The following FAM174A variants were observed in gnomAD, a reference collection of about 807,000 sequenced individuals.
The protein encoded by FAM174A is membrane protein FAM174A.
FAM174A carries 14 observed loss-of-function variants against 14.3 expected under a neutral mutation model. That is an observed-to-expected ratio of 0.98 (90% CI 0.65 to 1.53). The LOEUF is 1.53. FAM174A is among the 40% of genes most tolerant of loss of function. The pLI, the probability that FAM174A is intolerant of heterozygous loss-of-function variation, is 0.00. For synonymous variants in FAM174A, 108 were observed against 111.4 expected (o/e 0.97, Z 0.19); for missense variants, 241 against 249.6 (o/e 0.97, Z 0.23).
intron 2 of FAM174A, among the ~76,000 whole-genome samples, chr5:100,579,910 AT>A (rs1201057349): frequency 6.6e-6 from 1 of 152,180 alleles, no homozygotes; most frequent in Non-Finnish European, 1.5e-5. Context: ...CTTAAGAGAT[AT>A]TTGTTTTTGG....
chr5:100,544,505 TA>T (rs375432017), intron 1 of FAM174A, among the ~76,000 whole-genome samples: 1 of 151,370 alleles, frequency 6.6e-6, no homozygotes, highest in Non-Finnish European at 1.5e-5. Context: ...AGGAAAAGAA[TA>T]AAAAAGAAAT....
intron 2 of FAM174A, among the ~76,000 whole-genome samples, chr5:100,565,146 A>T (rs905738463): frequency 6.6e-6 from 1 of 151,906 alleles, no homozygotes; most frequent in Non-Finnish European, 1.5e-5. Flanking sequence ...GCAGCATATT[A>T]AAATGATGAT....
intron 2 of FAM174A, among the ~76,000 whole-genome samples, chr5:100,567,749 T>C (rs1048744040): frequency 6.6e-6 from 1 of 151,898 alleles, no homozygotes; most frequent in African/African-American, 2.4e-5. Flanking sequence ...ATTCAGGTTC[T>C]TCATTCTTAG....
At chr5:100,584,877 C>CT (rs769839251) in intron 2 of FAM174A, among the ~76,000 whole-genome samples, 127 of 146,014 alleles carry the variant, frequency 8.7e-4, no homozygotes, top group South Asian at 4.1e-3. Context: ...AATCCAACTT[C>CT]TTTTTTTTTT....
At chr5:100,539,735 C>G (rs1449150775) in intron 1 of FAM174A, among the ~76,000 whole-genome samples, 1 of 152,174 alleles carries the variant, frequency 6.6e-6, no homozygotes, top group Admixed American at 6.5e-5. Context: ...GTTCAACCAT[C>G]ATGCTGCTTC....
intron 2 of FAM174A, among the ~76,000 whole-genome samples, chr5:100,582,610 G>A (rs768258070): frequency 6.6e-6 from 1 of 152,088 alleles, no homozygotes; most frequent in African/African-American, 2.4e-5. Flanking sequence ...ATAAAAATTT[G>A]TATGTCAAAA....
chr5:100,555,897 G>A (rs191317006), intron 1 of FAM174A, among the ~76,000 whole-genome samples: 2,514 of 152,172 alleles, frequency 0.017, 34 homozygotes, highest in Non-Finnish European at 0.024. Flanking sequence ...TAGGTTGCCT[G>A]TTCACTCTGA....
At chr5:100,562,631 TGA>T (rs954962112) in intron 2 of FAM174A, among the ~76,000 whole-genome samples, 3 of 151,548 alleles carry the variant, frequency 2.0e-5, no homozygotes, top group African/African-American at 7.3e-5. Context: ...TGTGTGTGTG[TGA>T]GAGAGAAATA....
intron 1 of FAM174A, among the ~76,000 whole-genome samples, chr5:100,555,218 G>A (rs1746350119): frequency 6.6e-6 from 1 of 151,772 alleles, no homozygotes; most frequent in Non-Finnish European, 1.5e-5. Context: ...TGAGAATGAT[G>A]GTTTCCAGCT....
At chr5:100,567,974 A>G (rs58971603) in intron 2 of FAM174A, among the ~76,000 whole-genome samples, 9,046 of 151,966 alleles carry the variant, frequency 0.06, 906 homozygotes, top group African/African-American at 0.2. Flanking sequence ...ATTTCTCCCT[A>G]TGTTTAACAT....
chr5:100,567,112 A>G (rs201642697), intron 2 of FAM174A, among the ~76,000 whole-genome samples: 2 of 151,886 alleles, frequency 1.3e-5, no homozygotes, highest in East Asian at 3.9e-4. Flanking sequence ...GTGAAAGAAC[A>G]AGAATTGGTT....
intron 1 of FAM174A, among the ~76,000 whole-genome samples, chr5:100,539,143 C>T (rs1580361339): frequency 6.6e-6 from 1 of 152,146 alleles, no homozygotes; most frequent in Non-Finnish European, 1.5e-5. Context: ...ATATGGTGCT[C>T]ATGCTCATAT....
In FAM174A at chr5:100,535,767, C is replaced by T. The variant is rs772189882; in HGVS notation, c.237C>T (p.Ser79=). The T allele has an allele frequency of 1.9e-6, 3 of 1,605,242 alleles. No homozygotes were observed. The highest frequency in any genetic ancestry group is 2.2e-5 in the South Asian group (2 of 90,756). The change falls in exon 1 of 3, where the codon TCC becomes TCT. Residue 79 remains serine (S), a synonymous_variant. Coordinates refer to ENST00000312637, the MANE Select transcript of FAM174A (RefSeq NM_198507.3). ...GLAEAAGPRG[S]EGGNGSNPVA... ...CTGAAGCTGCGGGGCCGCGGGGCTC[C>T]GAGGGAGGCAATGGCAGCAACCCTG... is the stretch of plus-strand genomic sequence containing the variant.
chr5:100,540,104 T>G (rs1746019305), intron 1 of FAM174A, among the ~76,000 whole-genome samples: 1 of 152,210 alleles, frequency 6.6e-6, no homozygotes, highest in South Asian at 2.1e-4. Flanking sequence ...AAGTCACTAA[T>G]GATTTATGCA....
chr5:100,544,878 T>C (rs559505230), intron 1 of FAM174A, among the ~76,000 whole-genome samples: 74 of 152,334 alleles, frequency 4.9e-4, no homozygotes, highest in African/African-American at 1.7e-3. Context: ...AAAGTTTTTC[T>C]GAAAACAAAA....
At chr5:100,541,205 G>A (rs1463900532) in intron 1 of FAM174A, among the ~76,000 whole-genome samples, 1 of 152,102 alleles carries the variant, frequency 6.6e-6, no homozygotes, top group Non-Finnish European at 1.5e-5. Context: ...TTGTGTTCAA[G>A]GAGCTTATCT....
chr5:100,583,502 ATCT>A (rs796996423), intron 2 of FAM174A, among the ~76,000 whole-genome samples: 4 of 152,304 alleles, frequency 2.6e-5, no homozygotes, highest in East Asian at 1.9e-4. Flanking sequence ...CTTCTTCTAC[ATCT>A]TCTTCCTTAT....
At chr5:100,539,698 C>A (rs894380984) in intron 1 of FAM174A, among the ~76,000 whole-genome samples, 4 of 152,180 alleles carry the variant, frequency 2.6e-5, no homozygotes, top group Non-Finnish European at 5.9e-5. Flanking sequence ...CTGCCCAAAC[C>A]CAGCTCTGCT....
chr5:100,553,379 C>T (rs895203058), intron 1 of FAM174A, among the ~76,000 whole-genome samples: 1 of 151,808 alleles, frequency 6.6e-6, no homozygotes, highest in Non-Finnish European at 1.5e-5. Flanking sequence ...TTTTTTCTTC[C>T]TTGAGATGAA....
Sources: gnomAD v4.1 joint callset for allele counts (sites outside exome capture counted in the v4.1 genomes callset) on GRCh38, gnomAD v4.1.1 for gene constraint, MANE v1.5 for transcripts, NCBI Gene and HGNC (gene_info 2026-07-23, HGNC 2026-07-21) for gene names.